Variants in MED16 observed in about 807,000 individuals in gnomAD.
MED16 encodes mediator complex subunit 16, also known as mediator of RNA polymerase II transcription subunit 16.
Under a neutral mutation model 84.4 loss-of-function variants are expected in MED16, and 81 were observed. The ratio of observed to expected loss-of-function variants is 0.96; its 90% CI spans 0.80 to 1.15. MED16 has a LOEUF of 1.15. MED16 is among the 50% of genes most tolerant of loss of function. The pLI is 0.00. For synonymous variants in MED16, 897 were observed against 552.2 expected, an observed-to-expected ratio of 1.62 and a Z score of -8.76; for missense variants, 1,585 against 1,245.9, an observed-to-expected ratio of 1.27 and a Z score of -4.10.
rs756758577 is a variant in MED16 at position 889,644 on chromosome 19, C to T, written c.441G>A (p.Val147=). ...ACTCGGGCAGGACACTCACCTTCTC[C>T]ACGTGCAGGGCCAGTTTCACACCAT... The part of the protein sequence containing the change: ...LHNGVKLALH[V]EKSGASSFGE... The change falls in exon 4 of 16, where the codon GTG becomes GTA. Residue 147 remains valine, a synonymous_variant. Coordinates refer to ENST00000325464, the MANE Select transcript of MED16 (RefSeq NM_005481.3). 3.1e-6 allele frequency: 5 copies of T among 1,609,614 alleles called. No individual in the cohort carries two copies. In the African/African-American group the frequency reaches 6.7e-5, roughly 21 times the overall value.
Position 871,020 on chromosome 19 carries a change from T to C in MED16, c.2315+17A>G, listed in dbSNP as rs1015893573. The stretch of plus-strand genomic sequence containing the variant: ...AAGGAGTCCTGTGTTTGGGGACCAA[T>C]GCAGGGACACACGCACCTGGCGAGG... On this transcript the variant is annotated intron_variant, in intron 13 of 15. Transcript: ENST00000325464. 23 of 1,533,920 alleles carry C rather than the reference T, an allele frequency of 1.5e-5. No homozygotes were observed. The highest frequency in any genetic ancestry group is 1.2e-4 in the Admixed American group (6 of 50,540).
intron 10 of MED16, among the ~76,000 whole-genome samples, chr19:873,813 T>C (rs1191528703): frequency 6.6e-6 from 1 of 151,982 alleles, no homozygotes; most frequent in East Asian, 1.9e-4. Flanking sequence ...CCAGCTTCTC[T>C]CGGCCTGCAG....
chr19:883,642 G>T (rs1028109103), intron 6 of MED16, among the ~76,000 whole-genome samples: 1 of 152,130 alleles, frequency 6.6e-6, no homozygotes, highest in Non-Finnish European at 1.5e-5. Context: ...GGTGAGGACG[G>T]CTGCAGGAGA....
chr19:873,788 T>C (rs1196776605), intron 10 of MED16, among the ~76,000 whole-genome samples: 2 of 152,062 alleles, frequency 1.3e-5, no homozygotes, highest in Non-Finnish European at 2.9e-5. Flanking sequence ...CGGGGGCCGC[T>C]GTGCTCAGCA....
intron 12 of MED16, chr19:871,645 A>C: frequency 6.3e-7 from 1 of 1,591,024 alleles, no homozygotes; most frequent in Non-Finnish European, 8.5e-7. Context: ...CACACAGAGC[A>C]TGGACCTGTG....
In MED16 at chr19:868,464, C is replaced by G. The variant is rs1238734125; in HGVS notation, c.2435G>C (p.Arg812Thr). The G allele has an allele frequency of 1.9e-6, 3 of 1,611,136 alleles. No homozygotes were observed. Among genetic ancestry groups the G allele is most frequent in the Non-Finnish European group, 1.7e-6 (2 of 1,179,880 alleles). The change falls in exon 15 of 16, where the codon AGA (arginine) becomes ACA (threonine). Residue 812 changes from arginine (R) to threonine (T), a missense_variant. By Grantham distance (71) the Arg-to-Thr change is moderately conservative (BLOSUM62 -1). Coordinates refer to ENST00000325464, the MANE Select transcript of MED16 (RefSeq NM_005481.3). ...CTCCCACTGCTTCACCGCCGTGGTT[C>G]TGTTGGGCGACTTGAGCATGGTGAC... ...GCVTMLKSPN[R>T]TTAVKQWEQR...
rs764824606 is a variant in MED16, at chr19:876,966, GC to G, written c.1560+7del. On this transcript the variant is annotated splice_region_variant and intron_variant, in intron 9 of 15. Coordinates refer to ENST00000325464, the MANE Select transcript of MED16 (RefSeq NM_005481.3). The stretch of plus-strand genomic sequence containing the variant: ...TGCCACGGGGCCCCACCTGCCACGG[GC>G]CCCCACCTGCTGCAGGGCAGCGGTC... 2 of 1,607,114 alleles carry G rather than the reference GC, an allele frequency of 1.2e-6. No homozygotes were observed. The highest frequency in any genetic ancestry group is 1.1e-5 in the South Asian group (1 of 90,784).
chr19:869,044 G>A (rs941321489), intron 13 of MED16, 98 bp from the exon 14 acceptor site: 14 of 1,055,584 alleles, frequency 1.3e-5, no homozygotes, highest in East Asian at 2.7e-5. Flanking sequence ...GGGAATGGCC[G>A]GCCTCACACC....
At chr19:878,449 C>T (rs1277372879) in intron 8 of MED16, among the ~76,000 whole-genome samples, 7 of 136,744 alleles carry the variant, frequency 5.1e-5, no homozygotes, top group African/African-American at 1.7e-4. Context: ...GCCCCGGCCC[C>T]GGCCCCACGT....
chr19:877,240 G>C lies in MED16; in HGVS notation c.1354-60C>G. On this transcript the variant is annotated intron_variant, in intron 8 of 15. Transcript: ENST00000325464. ...GATGGGGCTGCGCCCTCAGCCGGGAGAGGAATGGGGCCCTGGGGCTGCGGC... is the reference window on the plus strand; with the variant it reads ...GATGGGGCTGCGCCCTCAGCCGGGACAGGAATGGGGCCCTGGGGCTGCGGC... The C allele has an allele frequency of 5.9e-6, 9 of 1,519,434 alleles. No homozygotes were observed. In the South Asian group the frequency reaches 1.1e-4, roughly 18 times the overall value. The allele number at this position is 1,519,434 out of a possible 1,614,324, so 94.1% of individuals were successfully genotyped here. A position where few individuals can be genotyped will look rare whatever the true frequency, so the allele number is the denominator to read the frequency against.
At chr19:873,670 G>A (rs1488916874) in intron 10 of MED16, 88 bp from the exon 11 acceptor site, 45 of 1,478,370 alleles carry the variant, frequency 3.0e-5, no homozygotes, top group South Asian at 2.3e-4. Flanking sequence ...GACCTGCACT[G>A]AGTGCCCACC....
intron 6 of MED16, among the ~76,000 whole-genome samples, chr19:883,486 T>G (rs1440878244): frequency 1.0e-5 from 1 of 100,140 alleles, no homozygotes; most frequent in African/African-American, 4.1e-5. Flanking sequence ...GGTGGGCACG[T>G]GGGGCGGTAG....
chr19:868,540 C>CG (rs1568316187), intron 14 of MED16, 41 bp from the exon 15 acceptor site: 5 of 1,601,860 alleles, frequency 3.1e-6, no homozygotes. Flanking sequence ...CACTTCCAGG[C>CG]GGGCCTCCCT....
At chr19:876,587 G>A (rs532972960) in intron 9 of MED16, among the ~76,000 whole-genome samples, 3 of 152,070 alleles carry the variant, frequency 2.0e-5, no homozygotes, top group Non-Finnish European at 4.4e-5. Flanking sequence ...GCTTCTCTGA[G>A]GTGCAGCTTT....
chr19:890,699 G>A (rs1198750700), intron 2 of MED16, among the ~76,000 whole-genome samples: 2 of 152,222 alleles, frequency 1.3e-5, no homozygotes, highest in African/African-American at 4.8e-5. Flanking sequence ...TCTCCAACAA[G>A]CCTCCGTCAA....
intron 3 of MED16, 80 bp downstream of exon 3, chr19:890,057 A>G (rs1405211615): frequency 1.7e-6 from 2 of 1,158,346 alleles, no homozygotes; most frequent in Admixed American, 2.1e-5. Flanking sequence ...GCCGGACTCC[A>G]GACTGACCGG....
chr19:868,117 G>A lies in MED16; in HGVS notation c.2618C>T (p.Pro873Leu), dbSNP rs2035957108. ...RTPRSLDHLHPEDRP is the reference protein window; with the variant it reads ...RTPRSLDHLHLEDRP ...CCCCGGCCGTCACGGACGGTCCTCT[G>A]GATGCAGATGGTCCAGGGATCTGGG... is the stretch of plus-strand genomic sequence containing the variant. Residue 873 changes from proline (P) to leucine (L), a missense_variant, in exon 16 of 16, where the codon CCA becomes CTA. Pro to Leu is a moderately conservative substitution (Grantham distance 98). Coordinates refer to ENST00000325464, the MANE Select transcript of MED16 (RefSeq NM_005481.3). 7.5e-6 allele frequency: 12 copies of A among 1,610,386 alleles called. No individual in the cohort carries two copies. Among genetic ancestry groups the A allele is most frequent in the Non-Finnish European group, 1.0e-5 (12 of 1,179,178 alleles).
chr19:876,893 C>T lies in MED16; in HGVS notation c.1560+81G>A, dbSNP rs527618338. On this transcript the variant is annotated intron_variant, in intron 9 of 15. Coordinates refer to ENST00000325464, the MANE Select transcript of MED16 (RefSeq NM_005481.3). ...CCTGCCACGGGGCCCCCACCTGCCA[C>T]GGGGCCCCACCTGCCACGGGGCCCC... The T allele has an allele frequency of 7.6e-5, 103 of 1,357,912 alleles. 1 individual carries two copies. The highest frequency in any genetic ancestry group is 6.7e-4 in the African/African-American group (42 of 63,070). The allele number at this position is 1,357,912 out of a possible 1,614,324, so 84.1% of individuals were successfully genotyped here.
At chr19:870,904 C>G (rs1273915624) in intron 13 of MED16, 133 bp downstream of exon 13, 15 of 715,672 alleles carry the variant, frequency 2.1e-5, no homozygotes, top group Middle Eastern at 8.3e-4. Flanking sequence ...GACATGGAGG[C>G]GGGGAGCCGT....
Sources: allele counts gnomAD v4.1 joint callset (sites outside exome capture counted in the v4.1 genomes callset), GRCh38; gene constraint gnomAD v4.1.1; transcripts MANE v1.5; gene names NCBI Gene and HGNC (gene_info 2026-07-23, HGNC 2026-07-21).